The following NEMP2 variants were observed in gnomAD, a reference collection of about 807,000 sequenced individuals.
NEMP2 encodes the protein UPF0571 transmembrane protein.
Under a neutral mutation model 54.2 loss-of-function variants are expected in NEMP2, and 53 were observed. The observed-to-expected ratio is 0.98, with a 90% CI of 0.78 to 1.23. The LOEUF is 1.23. Ranked by LOEUF, NEMP2 falls within the 50% of genes most tolerant of loss-of-function variation. The pLI, the probability that NEMP2 is intolerant of heterozygous loss-of-function variation, is 0.00. For missense variants in NEMP2, 455 were observed against 511.3 expected (o/e 0.89, Z 1.06); for synonymous variants, 197 against 190.3 (o/e 1.04, Z -0.29).
the NEMP2 span, among the ~76,000 whole-genome samples, chr2:190,552,732 A>G: frequency 2.0e-5 from 3 of 151,750 alleles, no homozygotes; most frequent in Non-Finnish European, 4.4e-5. Context: ...AAAAAAAAAA[A>G]TTCTCTTTGC....
chr2:190,434,728 G>A, the NEMP2 span, among the ~76,000 whole-genome samples: 20 of 152,214 alleles, frequency 1.3e-4, no homozygotes, highest in East Asian at 1.4e-3. The surrounding 1 kb of genome is among the most constrained non-coding windows in gnomAD (Gnocchi z 4.3). Flanking sequence ...CACCGCGCCC[G>A]GCCAAAACAC....
chr2:190,479,244 G>GT, the NEMP2 span, among the ~76,000 whole-genome samples: 1 of 152,186 alleles, frequency 6.6e-6, no homozygotes, highest in African/African-American at 2.4e-5. Flanking sequence ...CTCATGTTCA[G>GT]TAAGTATTCT....
At chr2:190,587,809 A>G in the NEMP2 span, among the ~76,000 whole-genome samples, 1 of 152,176 alleles carries the variant, frequency 6.6e-6, no homozygotes, top group Non-Finnish European at 1.5e-5. This position sits in a 1 kb window ranked among gnomAD's most constrained non-coding sequence, Gnocchi z 5.4. Context: ...AGTTGTTCAA[A>G]TAGTGCGCTG....
At chr2:190,452,496 A>C in the NEMP2 span, among the ~76,000 whole-genome samples, 4 of 152,176 alleles carry the variant, frequency 2.6e-5, no homozygotes, top group Non-Finnish European at 4.4e-5. Flanking sequence ...TTGTAGAGTG[A>C]TTAAGTTTCC....
rs1690316242 is a variant in NEMP2, at chr2:190,510,405, G to A, written c.1086C>T (p.Asp362=). 4 of 1,551,648 alleles carry A rather than the reference G, an allele frequency of 2.6e-6. No individual in the cohort carries two copies. The highest frequency in any genetic ancestry group is 3.5e-6 in the Non-Finnish European group (4 of 1,147,008). The part of the protein sequence containing the change: ...EELRRACRKP[D]FPSWLVVSRL... ...TGGAGACGACCAGCCATGAGGGAAA[G>A]TCGGGTTTTCGGCAGGCCCGGCGTA... The change falls in exon 8 of 9, where the codon GAC becomes GAT. Residue 362 remains aspartate, a synonymous_variant. Coordinates refer to ENST00000409150, the MANE Select transcript of NEMP2 (RefSeq NM_001142645.2). The surrounding 1 kb of genome is among the most constrained non-coding windows in gnomAD (Gnocchi z 5.7).
At position 190,505,477 on chromosome 2, in the gene NEMP2, T is replaced by G. The variant is rs1254042742; in HGVS notation, c.*3712A>C. The G allele has an allele frequency of 6.6e-6, 1 of 152,214 alleles. No individual in the cohort carries two copies. The highest frequency in any genetic ancestry group is 1.5e-5 in the Non-Finnish European group (1 of 68,040). The allele number at this position is 152,214 out of a possible 1,614,324, so 9.4% of individuals were successfully genotyped here. A position where few individuals can be genotyped will look rare whatever the true frequency, so the allele number is the denominator to read the frequency against. ...CTTTCTCTTTTCAATCAGTCTTTCT[T>G]TTTTGGAAAAACGACCAAATCTAAA... On this transcript the variant is annotated 3_prime_UTR_variant, in exon 9 of 9. Coordinates refer to ENST00000409150, the MANE Select transcript of NEMP2 (RefSeq NM_001142645.2). The surrounding 1 kb of genome is among the most constrained non-coding windows in gnomAD (Gnocchi z 5.8).
At chr2:190,584,122 G>C in the NEMP2 span, among the ~76,000 whole-genome samples, 1 of 152,164 alleles carries the variant, frequency 6.6e-6, no homozygotes, top group African/African-American at 2.4e-5. The surrounding 1 kb of genome is among the most constrained non-coding windows in gnomAD (Gnocchi z 4.2). Flanking sequence ...GTCTCTGGGG[G>C]CTAGAATGAA....
the NEMP2 span, among the ~76,000 whole-genome samples, chr2:190,479,160 C>T: frequency 6.6e-6 from 1 of 152,102 alleles, no homozygotes; most frequent in Non-Finnish European, 1.5e-5. Flanking sequence ...CTATTCAAGC[C>T]TTTATTGGGG....
At chr2:190,592,510 G>A in the NEMP2 span, among the ~76,000 whole-genome samples, 1 of 152,090 alleles carries the variant, frequency 6.6e-6, no homozygotes, top group East Asian at 1.9e-4. The surrounding 1 kb of genome is among the most constrained non-coding windows in gnomAD (Gnocchi z 4.4). Flanking sequence ...AGAAACTAAG[G>A]GTAATAACAA....
At chr2:190,634,973 T>A in the NEMP2 span, among the ~76,000 whole-genome samples, 1 of 152,224 alleles carries the variant, frequency 6.6e-6, no homozygotes, top group Non-Finnish European at 1.5e-5. This position sits in a 1 kb window ranked among gnomAD's most constrained non-coding sequence, Gnocchi z 6.8. Flanking sequence ...ATCTTAAATG[T>A]GTTAACCCCC....
At chr2:190,430,328 T>C in the NEMP2 span, among the ~76,000 whole-genome samples, 11 of 150,818 alleles carry the variant, frequency 7.3e-5, no homozygotes, top group East Asian at 2.0e-3. Context: ...AGATCTCTGG[T>C]TTTCCTAGGC....
rs1422303100 is a variant in NEMP2, at chr2:190,521,604, C to T, written c.214-2421G>A. 6.6e-6 allele frequency among the ~76,000 whole-genome samples: 1 copy of T among 152,182 alleles called. No individual in the cohort carries two copies. The highest frequency in any genetic ancestry group is 1.5e-5 in the Non-Finnish European group (1 of 68,032). On this transcript the variant is annotated intron_variant, in intron 2 of 8. Transcript: ENST00000409150. This position sits in a 1 kb window ranked among gnomAD's most constrained non-coding sequence, Gnocchi z 6.2. ...GCAATAAAATTCCTTTAAAAAGCTG[C>T]CTGTGCCTGCAGTCTCTAGTTCCTC...
rs530646978 is a variant in NEMP2, at chr2:190,531,964, T to C, written c.97+2595A>G. On this transcript the variant is annotated intron_variant, in intron 1 of 8. Transcript: ENST00000409150. This position sits in a 1 kb window ranked among gnomAD's most constrained non-coding sequence, Gnocchi z 4.7. ...CCAATGTTCCTCCTGAAAACTGACA[T>C]GGCCCTCATATGGGGAAAAAAAATA... Among the ~76,000 whole-genome samples the C allele has an allele frequency of 3.4e-5, 5 of 147,188 alleles. No individual in the cohort carries two copies. Among genetic ancestry groups the C allele is most frequent in the African/African-American group, 7.3e-5 (3 of 41,236 alleles).
the NEMP2 span, among the ~76,000 whole-genome samples, chr2:190,430,820 A>C: frequency 7.8e-5 from 5 of 63,892 alleles, no homozygotes; most frequent in African/African-American, 1.7e-4. Flanking sequence ...TCCCTCCCGG[A>C]CGGGGCGGCC....
At chr2:190,598,740 A>G in the NEMP2 span, among the ~76,000 whole-genome samples, 323 of 152,378 alleles carry the variant, frequency 2.1e-3, 1 homozygote, top group African/African-American at 7.2e-3. Context: ...CCATGTTGCC[A>G]TGTTGCTGCA....
chr2:190,475,907 A>G, the NEMP2 span, among the ~76,000 whole-genome samples: 5 of 151,998 alleles, frequency 3.3e-5, no homozygotes, highest in East Asian at 1.9e-4. Context: ...AAATAATGCC[A>G]CATATCTACA....
the NEMP2 span, among the ~76,000 whole-genome samples, chr2:190,493,414 T>C: frequency 2.6e-3 from 401 of 152,240 alleles, 15 homozygotes; most frequent in East Asian, 0.065. Context: ...TAATGAGATA[T>C]ACAGCAACAC....
chr2:190,488,521 A>C, the NEMP2 span: 1 of 829,532 alleles, frequency 1.2e-6, no homozygotes, highest in Non-Finnish European at 1.7e-6. This position sits in a 1 kb window ranked among gnomAD's most constrained non-coding sequence, Gnocchi z 6.4. Context: ...AAAATGTGAA[A>C]ATGGTAAATT....
the NEMP2 span, among the ~76,000 whole-genome samples, chr2:190,602,631 C>T: frequency 6.6e-6 from 1 of 152,178 alleles, no homozygotes; most frequent in Non-Finnish European, 1.5e-5. Context: ...CCCTCCCCAT[C>T]TTTCCACTCT....
Sources: allele counts gnomAD v4.1 joint callset (sites outside exome capture counted in the v4.1 genomes callset), GRCh38; gene constraint gnomAD v4.1.1; non-coding constraint Gnocchi (gnomAD v3.1); transcripts MANE v1.5; gene names NCBI Gene and HGNC (gene_info 2026-07-23, HGNC 2026-07-21).